The following FILIP1L variants were observed in gnomAD, a reference collection of about 807,000 sequenced individuals.
The protein encoded by FILIP1L is filamin A-interacting protein 1-like.
Under a neutral mutation model 96.6 loss-of-function variants are expected in FILIP1L, and 55 were observed. The ratio of observed to expected loss-of-function variants is 0.57; its 90% CI spans 0.46 to 0.71. The LOEUF (loss-of-function observed/expected upper bound fraction) is 0.71, where lower values mean the gene tolerates loss of function less well. Among genes scored for constraint, FILIP1L ranks in the 30% least tolerant of loss-of-function variants. The probability of loss-of-function intolerance (pLI) is 0.00; values close to 1 mark genes in which losing one functional copy is unlikely to be tolerated. For missense variants in FILIP1L, 1,304 were observed against 1,321.2 expected (o/e 0.99, Z 0.20); for synonymous variants, 467 against 473.9 (o/e 0.99, Z 0.19).
chr3:99,948,796 A>G (rs1708092332), intron 1 of FILIP1L, among the ~76,000 whole-genome samples: 1 of 151,954 alleles, frequency 6.6e-6, no homozygotes, highest in South Asian at 2.1e-4. Flanking sequence ...AGAAAAAGAG[A>G]AGAAAGAAGA....
intron 4 of FILIP1L, among the ~76,000 whole-genome samples, chr3:99,903,441 G>A (rs1401095341): frequency 1.3e-5 from 2 of 152,008 alleles, no homozygotes; most frequent in East Asian, 1.9e-4. Flanking sequence ...TAGTAGAGAC[G>A]GGGTTTCACC....
chr3:99,973,748 G>T (rs1243080608), intron 1 of FILIP1L, among the ~76,000 whole-genome samples: 1 of 152,094 alleles, frequency 6.6e-6, no homozygotes. Flanking sequence ...TTTTCCCCCA[G>T]TTTGGGTAGC....
At chr3:99,933,074 C>T (rs1354299911) in intron 1 of FILIP1L, among the ~76,000 whole-genome samples, 1 of 152,188 alleles carries the variant, frequency 6.6e-6, no homozygotes, top group South Asian at 2.1e-4. Flanking sequence ...AATGGAAGCA[C>T]GGGAAACTTA....
At position 99,983,512 on chromosome 3, in the gene FILIP1L, A is replaced by G. The variant is rs182686027; in HGVS notation, c.-10-52482T>C. 2.0e-3 allele frequency among the ~76,000 whole-genome samples: 237 copies of G among 116,326 alleles called. 2 individuals are homozygous for G. Among genetic ancestry groups the G allele is most frequent in the African/African-American group, 6.6e-3 (199 of 30,194 alleles). 76.3% of individuals were successfully genotyped at this position (116,326 alleles called of 152,430 possible). A position where few individuals can be genotyped will look rare whatever the true frequency, so the allele number is the denominator to read the frequency against. ...TATATATATATATATATATATATGT[A>G]TATATATACACACACAAAAAGAAAA... is the stretch of plus-strand genomic sequence containing the variant. On this transcript the variant is annotated intron_variant, in intron 1 of 5. Transcript: ENST00000477258.
At chr3:100,075,838 T>C (rs752645693) in intron 1 of FILIP1L, among the ~76,000 whole-genome samples, 25 of 152,330 alleles carry the variant, frequency 1.6e-4, no homozygotes, top group Non-Finnish European at 2.8e-4. Context: ...ACTTTTCTTA[T>C]CTATAAACTT....
At chr3:100,079,050 G>T (rs1180852214) in intron 1 of FILIP1L, among the ~76,000 whole-genome samples, 1 of 152,310 alleles carries the variant, frequency 6.6e-6, no homozygotes, top group South Asian at 2.1e-4. Flanking sequence ...TCCAAATGAG[G>T]TGGGCAAGAC....
At chr3:99,983,613 C>T (rs147500054) in intron 1 of FILIP1L, among the ~76,000 whole-genome samples, 2,456 of 144,750 alleles carry the variant, frequency 0.017, 67 homozygotes, top group African/African-American at 0.059. Flanking sequence ...TTGCTTGAAC[C>T]GGGGAGGCGG....
At chr3:99,938,784 T>G (rs1707770008) in intron 1 of FILIP1L, among the ~76,000 whole-genome samples, 1 of 152,060 alleles carries the variant, frequency 6.6e-6, no homozygotes, top group Non-Finnish European at 1.5e-5. Context: ...TGTGCTCACA[T>G]GGCCAGATTA....
chr3:99,862,069 T>C (rs1428013763), intron 4 of FILIP1L, among the ~76,000 whole-genome samples: 1 of 151,866 alleles, frequency 6.6e-6, no homozygotes, highest in Non-Finnish European at 1.5e-5. Context: ...ACTAAAAGAG[T>C]AGGTTTTAGA....
intron 1 of FILIP1L, among the ~76,000 whole-genome samples, chr3:99,947,733 A>C (rs1426646019): frequency 6.6e-6 from 1 of 152,266 alleles, no homozygotes; most frequent in Non-Finnish European, 1.5e-5. Context: ...ACTTTTAATA[A>C]GGTAAAAAGA....
chr3:99,898,550 T>A (rs763617777), intron 4 of FILIP1L: 2 of 154,002 alleles, frequency 1.3e-5, no homozygotes, highest in Non-Finnish European at 2.9e-5. Flanking sequence ...GTGGATCACC[T>A]GAGGTCAGGG....
intron 4 of FILIP1L, among the ~76,000 whole-genome samples, chr3:99,916,806 G>C (rs1001992890): frequency 6.6e-6 from 1 of 152,114 alleles, no homozygotes. Flanking sequence ...AGGCCTTTCT[G>C]TGCAGTGATA....
chr3:100,090,388 G>A (rs759521385), intron 1 of FILIP1L, among the ~76,000 whole-genome samples: 4 of 152,192 alleles, frequency 2.6e-5, no homozygotes, highest in African/African-American at 2.4e-5. Context: ...CATGCTGGTC[G>A]TGATTTTTCA....
At chr3:100,050,092 C>A (rs1198683500) in intron 1 of FILIP1L, among the ~76,000 whole-genome samples, 1 of 152,174 alleles carries the variant, frequency 6.6e-6, no homozygotes, top group Non-Finnish European at 1.5e-5. Flanking sequence ...CACACAGACT[C>A]ACCTGTGGAA....
At chr3:99,997,472 C>T (rs1474288951) in intron 1 of FILIP1L, among the ~76,000 whole-genome samples, 1 of 152,142 alleles carries the variant, frequency 6.6e-6, no homozygotes, top group Non-Finnish European at 1.5e-5. Context: ...CTTCCAAGTC[C>T]ATTGTTCTTT....
At chr3:99,996,365 T>C (rs1053796888) in intron 1 of FILIP1L, among the ~76,000 whole-genome samples, 15 of 152,206 alleles carry the variant, frequency 9.9e-5, no homozygotes, top group Admixed American at 9.8e-4. Flanking sequence ...TCCATATCAC[T>C]GCCAGGCCTT....
intron 1 of FILIP1L, among the ~76,000 whole-genome samples, chr3:100,071,008 A>G (rs768521407): frequency 3.3e-5 from 5 of 149,624 alleles, no homozygotes; most frequent in Non-Finnish European, 4.4e-5. Context: ...CTTTTAAGCT[A>G]TTCAGTTATA....
intron 4 of FILIP1L, among the ~76,000 whole-genome samples, chr3:99,911,730 CTTGTACAT>C (rs1378667888): frequency 6.6e-6 from 1 of 152,192 alleles, no homozygotes; most frequent in Non-Finnish European, 1.5e-5. Flanking sequence ...CTTGAGCACT[CTTGTACAT>C]GCCTCTGTTA....
chr3:100,010,795 T>TC (rs1366307322), intron 1 of FILIP1L, among the ~76,000 whole-genome samples: 1 of 146,948 alleles, frequency 6.8e-6, no homozygotes, highest in Non-Finnish European at 1.5e-5. Flanking sequence ...TTTTTTTTTT[T>TC]TTTTGTATTT....
Sources: allele counts gnomAD v4.1 joint callset (sites outside exome capture counted in the v4.1 genomes callset), GRCh38; gene constraint gnomAD v4.1.1; transcripts MANE v1.5; gene names NCBI Gene and HGNC (gene_info 2026-07-23, HGNC 2026-07-21).